The following TINAG variants were observed in gnomAD, a reference collection of about 807,000 sequenced individuals.
TINAG encodes tubulointerstitial nephritis antigen.
In TINAG, 83 loss-of-function variants were observed where a neutral mutation model predicts 72.7. The ratio of observed to expected loss-of-function variants is 1.14; its 90% CI spans 0.96 to 1.37. The LOEUF (loss-of-function observed/expected upper bound fraction) is 1.37. Among genes scored for constraint, TINAG ranks in the 40% most tolerant of loss-of-function variants. The pLI is 0.00. For synonymous variants in TINAG, 234 were observed against 189.9 expected (o/e 1.23, Z -1.91); for missense variants, 685 against 576.6 (o/e 1.19, Z -1.93).
rs1479971186 is a variant in TINAG at position 54,326,902 on chromosome 6, A to G, written c.610A>G (p.Met204Val). 3 of 1,613,166 alleles carry G rather than the reference A, an allele frequency of 1.9e-6. No homozygotes were observed. The highest frequency in any genetic ancestry group is 2.5e-6 in the Non-Finnish European group (3 of 1,179,808). The change falls in exon 4 of 11, where the codon ATG becomes GTG. Residue 204 changes from methionine (M) to valine (V), a missense_variant. Met to Val is a conservative substitution (Grantham distance 21). Coordinates refer to ENST00000259782, the MANE Select transcript of TINAG (RefSeq NM_014464.4). Reference protein sequence around the residue: ...TLPPSPMLLSMNEMTASLPAT... With the variant: ...TLPPSPMLLSVNEMTASLPAT... ...GCCACCTAGTCCCATGCTCCTGAGCATGAATGAAATGACAGTAAGTGTTCC... is the reference window on the plus strand; with the variant it reads ...GCCACCTAGTCCCATGCTCCTGAGCGTGAATGAAATGACAGTAAGTGTTCC...
At chr6:54,354,992 T>C (rs1285988885) in intron 9 of TINAG, among the ~76,000 whole-genome samples, 1 of 151,846 alleles carries the variant, frequency 6.6e-6, no homozygotes, top group African/African-American at 2.4e-5. Context: ...TTGAATAGAA[T>C]TGCAAATAGC....
chr6:54,342,057 A>T (rs1785008478), intron 4 of TINAG, among the ~76,000 whole-genome samples: 1 of 143,476 alleles, frequency 7.0e-6, no homozygotes. Context: ...CTCAGAAATG[A>T]TTGGGGTGTG....
intron 9 of TINAG, among the ~76,000 whole-genome samples, chr6:54,374,181 G>T (rs1763713340): frequency 6.6e-6 from 1 of 152,062 alleles, no homozygotes; most frequent in Admixed American, 6.6e-5. Context: ...TAAGGAATAT[G>T]GTAGGCATTG....
chr6:54,386,357 C>T (rs1234973149), intron 10 of TINAG, among the ~76,000 whole-genome samples: 1 of 152,134 alleles, frequency 6.6e-6, no homozygotes, highest in East Asian at 1.9e-4. Context: ...ATCCTCTGCT[C>T]ATGATCTCAC....
Position 54,389,887 on chromosome 6 carries a change from G to T in TINAG, c.1393G>T (p.Ala465Ser). Residue 465 changes from alanine to serine, a missense_variant, in exon 11 of 11, where the codon GCA (alanine) becomes TCA (serine). Coordinates refer to ENST00000259782, the MANE Select transcript of TINAG (RefSeq NM_014464.4). ...NESDIEKLII[A>S]AWGQLTSSDE... ...GTCCGACATTGAAAAGTTGATTATC[G>T]CAGCTTGGGGCCAACTGACGAGTTC... 6.2e-7 allele frequency: 1 copy of T among 1,610,568 alleles called. No individual in the cohort carries two copies. The highest frequency in any genetic ancestry group is 8.5e-7 in the Non-Finnish European group (1 of 1,178,522).
intron 9 of TINAG, among the ~76,000 whole-genome samples, chr6:54,376,991 T>A (rs1355084437): frequency 6.6e-6 from 1 of 152,050 alleles, no homozygotes; most frequent in African/African-American, 2.4e-5. Context: ...TGCCCAGATT[T>A]TTTTCAAAAC....
chr6:54,352,490 C>G (rs949978108), intron 8 of TINAG, among the ~76,000 whole-genome samples: 3 of 151,610 alleles, frequency 2.0e-5, no homozygotes, highest in Non-Finnish European at 4.4e-5. Flanking sequence ...TTCTGTTCCC[C>G]CTTACAGCTG....
chr6:54,371,992 T>TTTGTTTGTTTTTTTTTTTTTTG, intron 9 of TINAG, among the ~76,000 whole-genome samples: 3 of 139,998 alleles, frequency 2.1e-5, no homozygotes, highest in Non-Finnish European at 3.1e-5. Context: ...TTTTTTTTTT[T>TTTGTTTGTTTTTTTTTTTTTTG]TTTTTTTTTT....
chr6:54,360,858 T>G (rs1763211141), intron 9 of TINAG, among the ~76,000 whole-genome samples: 1 of 127,790 alleles, frequency 7.8e-6, no homozygotes, highest in Non-Finnish European at 1.6e-5. Flanking sequence ...TTTTTTTTTT[T>G]TTTTTTTTTT....
At chr6:54,362,979 A>T (rs1763286564) in intron 9 of TINAG, among the ~76,000 whole-genome samples, 1 of 151,622 alleles carries the variant, frequency 6.6e-6, no homozygotes, top group Admixed American at 6.6e-5. Flanking sequence ...AAAGGTAGAA[A>T]GTGGTAAGAA....
intron 4 of TINAG, among the ~76,000 whole-genome samples, chr6:54,333,628 A>G (rs1185171269): frequency 2.6e-5 from 4 of 151,908 alleles, no homozygotes; most frequent in Non-Finnish European, 5.9e-5. Context: ...AAAAAAAAAA[A>G]AATAAAATAA....
chr6:54,360,008 GA>G (rs1159934348), intron 9 of TINAG, among the ~76,000 whole-genome samples: 1 of 151,740 alleles, frequency 6.6e-6, no homozygotes, highest in Non-Finnish European at 1.5e-5. Flanking sequence ...TAAACTTATT[GA>G]AAAAATGAAT....
chr6:54,364,182 T>TA (rs1763332627), intron 9 of TINAG, among the ~76,000 whole-genome samples: 1 of 151,420 alleles, frequency 6.6e-6, no homozygotes, highest in African/African-American at 2.4e-5. Context: ...AAGGGATCAT[T>TA]AGGCATTGGT....
intron 3 of TINAG, among the ~76,000 whole-genome samples, chr6:54,321,860 A>G (rs1457475188): frequency 6.6e-6 from 1 of 152,222 alleles, no homozygotes; most frequent in Admixed American, 6.5e-5. Context: ...AATGTCACTT[A>G]CGGTTGAATC....
intron 3 of TINAG, among the ~76,000 whole-genome samples, chr6:54,322,024 C>T (rs1051247201): frequency 7.2e-5 from 11 of 152,010 alleles, no homozygotes; most frequent in Non-Finnish European, 1.3e-4. Context: ...GGCACTGGCC[C>T]GGCGAGGTGG....
chr6:54,343,232 T>G lies in TINAG; in HGVS notation c.631T>G (p.Leu211Val), dbSNP rs1785041141. 1.3e-6 allele frequency: 2 copies of G among 1,558,998 alleles called. No individual in the cohort carries two copies. Among genetic ancestry groups the G allele is most frequent in the South Asian group, 2.5e-5 (2 of 80,142 alleles). ...ACCTCTTCTTCCTCTTTAGGCTTCT[T>G]TACCTGCAACAACTGATCTTCCAGA... Reference protein sequence around the residue: ...LLSMNEMTASLPATTDLPEFF... With the variant: ...LLSMNEMTASVPATTDLPEFF... The change falls in exon 5 of 11, where the codon TTA becomes GTA. Residue 211 changes from leucine (L) to valine (V), a missense_variant. Transcript: ENST00000259782.
chr6:54,311,608 C>T (rs1165668649), intron 1 of TINAG, among the ~76,000 whole-genome samples: 1 of 152,138 alleles, frequency 6.6e-6, no homozygotes, highest in African/African-American at 2.4e-5. Context: ...ATTTGCATTT[C>T]TCTAATTTCT....
At chr6:54,307,994 T>C, upstream of TINAG, 1 of 1,534,564 alleles carries the variant, frequency 6.5e-7, no homozygotes, top group Admixed American at 2.0e-5. Flanking sequence ...AGATGGGAAA[T>C]CAAACCAGTG....
At chr6:54,349,326 A>T (rs574335216) in intron 6 of TINAG, among the ~76,000 whole-genome samples, 1 of 152,086 alleles carries the variant, frequency 6.6e-6, no homozygotes, top group South Asian at 2.1e-4. Flanking sequence ...AGTCAGATTC[A>T]TTGTCTGGTT....
Sources: allele counts gnomAD v4.1 joint callset (sites outside exome capture counted in the v4.1 genomes callset), GRCh38; gene constraint gnomAD v4.1.1; transcripts MANE v1.5; gene names NCBI Gene and HGNC (gene_info 2026-07-23, HGNC 2026-07-21).